RORA: variants seen among roughly 807,000 people sequenced by gnomAD.
The protein encoded by RORA is nuclear receptor ROR-alpha.
In RORA, 7 loss-of-function variants were observed where a neutral mutation model predicts 69.5. The ratio of observed to expected loss-of-function variants is 0.10; its 90% confidence interval spans 0.06 to 0.19. RORA has a LOEUF of 0.19. RORA is among the 10% of genes least tolerant of loss of function. RORA has a pLI of 1.00. For synonymous variants in RORA, 261 were observed against 240.8 expected, an observed-to-expected ratio of 1.08 and a Z score of -0.78; for missense variants, 457 against 663.0, an observed-to-expected ratio of 0.69 and a Z score of 3.41.
intron 2 of RORA, among the ~76,000 whole-genome samples, chr15:60,662,018 C>G (rs189794042): frequency 2.6e-5 from 4 of 152,280 alleles, no homozygotes; most frequent in Admixed American, 2.6e-4. Flanking sequence ...TTTATTTTCT[C>G]CTATTGGGAT....
intron 1 of RORA, among the ~76,000 whole-genome samples, chr15:61,094,455 G>C (rs2078759870): frequency 6.6e-6 from 1 of 152,204 alleles, no homozygotes; most frequent in Non-Finnish European, 1.5e-5. Flanking sequence ...AGAGACACCA[G>C]TACAGAGCTC....
chr15:61,122,704 G>A (rs1229975423), intron 1 of RORA, among the ~76,000 whole-genome samples: 1 of 152,050 alleles, frequency 6.6e-6, no homozygotes, highest in Non-Finnish European at 1.5e-5. Context: ...TAAGACAGGT[G>A]TCTGGAATCC....
chr15:60,592,622 C>A (rs1486291715), intron 2 of RORA: 2 of 1,157,302 alleles, frequency 1.7e-6, no homozygotes, highest in Admixed American at 4.9e-5. Context: ...CCCTCCGCTT[C>A]CTCCCGGGGC....
chr15:60,687,566 A>G (rs760718110), intron 1 of RORA, among the ~76,000 whole-genome samples: 6 of 152,232 alleles, frequency 3.9e-5, no homozygotes, highest in Non-Finnish European at 5.9e-5. Context: ...CCTGGCCAAC[A>G]TGGTGAAACC....
chr15:61,168,191 CAT>C (rs1219816072), intron 1 of RORA, among the ~76,000 whole-genome samples: 1 of 150,736 alleles, frequency 6.6e-6, no homozygotes, highest in African/African-American at 2.4e-5. Flanking sequence ...CATATATACA[CAT>C]ATATACACGC....
At chr15:60,733,914 C>CAG (rs58672002) in intron 1 of RORA, among the ~76,000 whole-genome samples, 18,506 of 101,358 alleles carry the variant, frequency 0.18, 1,434 homozygotes, top group Non-Finnish European at 0.22. Context: ...AGAATAGGGG[C>CAG]AGAGAGAGAG....
At chr15:60,920,875 A>T (rs1333413912) in intron 1 of RORA, among the ~76,000 whole-genome samples, 2 of 152,196 alleles carry the variant, frequency 1.3e-5, no homozygotes, top group African/African-American at 4.8e-5. Context: ...CAGATGCAGG[A>T]CACCTCAGTG....
intron 1 of RORA, among the ~76,000 whole-genome samples, chr15:61,116,460 C>A (rs1380526259): frequency 2.0e-5 from 3 of 152,194 alleles, no homozygotes; most frequent in Non-Finnish European, 4.4e-5. Context: ...AAGCACCTCA[C>A]AACATATTCA....
intron 1 of RORA, among the ~76,000 whole-genome samples, chr15:60,890,635 C>A: frequency 6.6e-6 from 1 of 152,214 alleles, no homozygotes; most frequent in East Asian, 1.9e-4. Context: ...TCTTTTTGAG[C>A]CATTTTAGTG....
At chr15:61,209,209 C>G (rs1430523482) in intron 1 of RORA, among the ~76,000 whole-genome samples, 1 of 151,694 alleles carries the variant, frequency 6.6e-6, no homozygotes, top group Non-Finnish European at 1.5e-5. Flanking sequence ...TCTTTATTTG[C>G]CACAAAATTA....
intron 1 of RORA, among the ~76,000 whole-genome samples, chr15:60,949,267 C>A (rs948863446): frequency 6.6e-6 from 1 of 152,216 alleles, no homozygotes; most frequent in Non-Finnish European, 1.5e-5. Context: ...CTGTCTCCTA[C>A]TATCCATGAT....
At chr15:61,115,804 C>G (rs1460421051) in intron 1 of RORA, among the ~76,000 whole-genome samples, 1 of 152,112 alleles carries the variant, frequency 6.6e-6, no homozygotes, top group Non-Finnish European at 1.5e-5. Context: ...CAAGGAGGTC[C>G]CAAAGGGCCC....
intron 1 of RORA, among the ~76,000 whole-genome samples, chr15:60,732,835 G>A (rs1030413972): frequency 6.6e-6 from 1 of 151,378 alleles, no homozygotes; most frequent in Non-Finnish European, 1.5e-5. Context: ...ACACACACGT[G>A]CACTTACATG....
intron 1 of RORA, among the ~76,000 whole-genome samples, chr15:60,912,626 C>A (rs958642416): frequency 6.6e-6 from 1 of 152,016 alleles, no homozygotes; most frequent in Non-Finnish European, 1.5e-5. Flanking sequence ...TGGTGGCAGG[C>A]GCCTGTAGTC....
At position 60,495,411 on chromosome 15, in the gene RORA, A is replaced by G. The variant is rs912213265; in HGVS notation, c.*2044T>C. ...TTCTATTTATGGTTAAACTCTTACT[A>G]TGTTTTTGGAAAAAAAGTTGGATGT... On this transcript the variant is annotated 3_prime_UTR_variant, in exon 11 of 11. Transcript: ENST00000335670. 2.6e-5 allele frequency: 4 copies of G among 152,206 alleles called. No individual in the cohort carries two copies. The highest frequency in any genetic ancestry group is 7.2e-5 in the African/African-American group (3 of 41,456). The allele number at this position is 152,206 out of a possible 1,614,324, so 9.4% of individuals were successfully genotyped here.
At chr15:60,925,633 C>A (rs1434355600) in intron 1 of RORA, among the ~76,000 whole-genome samples, 1 of 152,218 alleles carries the variant, frequency 6.6e-6, no homozygotes, top group East Asian at 1.9e-4. Flanking sequence ...CACTGCATGC[C>A]TGATACAGTG....
chr15:60,645,719 T>C (rs1313835459), intron 2 of RORA, among the ~76,000 whole-genome samples: 1 of 152,138 alleles, frequency 6.6e-6, no homozygotes, highest in Non-Finnish European at 1.5e-5. Flanking sequence ...AGAAGTCATT[T>C]GTGTTAATGT....
rs536184652 is a variant in RORA, at chr15:61,150,287, T to C, written c.166+78766A>G. Among the ~76,000 whole-genome samples the C allele has an allele frequency of 7.2e-5, 11 of 152,348 alleles. No individual in the cohort carries two copies. The East Asian group carries it at 2.1e-3, about 29-fold the overall frequency. On this transcript the variant is annotated intron_variant, in intron 1 of 10. Transcript: ENST00000335670. ...TTGGCCTCCTTCAGTTAATCCTCTT[T>C]GGGCTTATAAAGCTCTACATCAATT...
chr15:60,499,777 G>T, intron 10 of RORA, 115 bp downstream of exon 10: 1 of 611,988 alleles, frequency 1.6e-6, no homozygotes, highest in Non-Finnish European at 2.9e-6. Flanking sequence ...TTAGTAGCCT[G>T]TTGCCTTCTG....
Sources: allele counts gnomAD v4.1 joint callset (sites outside exome capture counted in the v4.1 genomes callset), GRCh38; gene constraint gnomAD v4.1.1; transcripts MANE v1.5; gene names NCBI Gene and HGNC (gene_info 2026-07-23, HGNC 2026-07-21).